MCCC2: variants seen among roughly 807,000 people sequenced by gnomAD.
MCCC2 encodes methylcrotonyl-CoA carboxylase subunit 2.
MCCC2 carries 52 observed loss-of-function variants against 77.2 expected under a neutral mutation model. That is an observed-to-expected ratio of 0.67 (90% CI 0.54 to 0.85). MCCC2 has a LOEUF of 0.85. Ranked by LOEUF, MCCC2 falls within the 40% of genes least tolerant of loss-of-function variation. The probability of loss-of-function intolerance (pLI) is 0.00; values close to 1 mark genes in which losing one functional copy is unlikely to be tolerated. For synonymous variants in MCCC2, 253 were observed against 248.4 expected, an observed-to-expected ratio of 1.02 and a Z score of -0.18; for missense variants, 682 against 703.2, an observed-to-expected ratio of 0.97 and a Z score of 0.34.
chr5:71,629,626 C>T (rs1001262476), intron 7 of MCCC2, among the ~76,000 whole-genome samples: 7 of 151,896 alleles, frequency 4.6e-5, no homozygotes, highest in African/African-American at 1.5e-4. Flanking sequence ...AGTATATTTC[C>T]CAAAAGAGGG....
At chr5:71,590,653 C>T (rs963712574) in intron 1 of MCCC2, among the ~76,000 whole-genome samples, 1 of 151,708 alleles carries the variant, frequency 6.6e-6, no homozygotes, top group African/African-American at 2.4e-5. Flanking sequence ...CCTGTCTCCA[C>T]TAAAAATAAA....
chr5:71,633,681 G>A (rs1413277796), intron 8 of MCCC2, among the ~76,000 whole-genome samples: 1 of 152,032 alleles, frequency 6.6e-6, no homozygotes, highest in African/African-American at 2.4e-5. Flanking sequence ...TATATACAGT[G>A]TATCATTGAA....
intron 13 of MCCC2, among the ~76,000 whole-genome samples, chr5:71,647,710 A>C (rs1747308884): frequency 6.6e-6 from 1 of 152,170 alleles, no homozygotes; most frequent in African/African-American, 2.4e-5. Flanking sequence ...TATGGAGGTA[A>C]TTTTAAAGCT....
chr5:71,650,301 C>G, intron 15 of MCCC2, 118 bp downstream of exon 15: 1 of 760,936 alleles, frequency 1.3e-6, no homozygotes, highest in Non-Finnish European at 2.4e-6. Flanking sequence ...CTGGCGCACA[C>G]TGCCTGGCCA....
chr5:71,607,428 T>A (rs1360879038), intron 6 of MCCC2, among the ~76,000 whole-genome samples: 1 of 148,692 alleles, frequency 6.7e-6, no homozygotes, highest in East Asian at 2.0e-4. Flanking sequence ...TGATATCCCC[T>A]TTATCATTTT....
At position 71,634,101 on chromosome 5, in the gene MCCC2, C is replaced by T. The variant is rs1746836070; in HGVS notation, c.804-842C>T. Among the ~76,000 whole-genome samples, 3 of 152,280 alleles carry T rather than the reference C, an allele frequency of 2.0e-5. No individual in the cohort carries two copies. In the South Asian group the frequency reaches 6.2e-4, roughly 32 times the overall value. ...GCCATAAAAATTTAGATTGCAGCAG[C>T]TTAGTCCTTACTCATAAAATGAACA... On this transcript the variant is annotated intron_variant, in intron 8 of 16. Coordinates refer to ENST00000340941, the MANE Select transcript of MCCC2 (RefSeq NM_022132.5).
chr5:71,593,090 T>TATA (rs35924336), intron 2 of MCCC2, 98 bp downstream of exon 2: 7 of 582,332 alleles, frequency 1.2e-5, no homozygotes, highest in African/African-American at 9.2e-5. Flanking sequence ...GCTTTTGATA[T>TATA]TTTTTTTTTT....
At chr5:71,596,917 G>T (rs1580274269) in intron 3 of MCCC2, among the ~76,000 whole-genome samples, 1 of 151,884 alleles carries the variant, frequency 6.6e-6, no homozygotes, top group East Asian at 1.9e-4. Context: ...TCCAGCCTGG[G>T]TGACAGAGCG....
chr5:71,607,060 G>A (rs1745710858), intron 6 of MCCC2, among the ~76,000 whole-genome samples: 3 of 151,312 alleles, frequency 2.0e-5, no homozygotes, highest in South Asian at 2.1e-4. Flanking sequence ...GTCTCTGCCC[G>A]GCTTTGGTAT....
intron 2 of MCCC2, among the ~76,000 whole-genome samples, chr5:71,595,922 T>C (rs1008701675): frequency 6.6e-6 from 1 of 152,218 alleles, no homozygotes; most frequent in African/African-American, 2.4e-5. Flanking sequence ...GATAGGAATT[T>C]TCCAGATCTA....
At chr5:71,613,925 A>G (rs1746060107) in intron 6 of MCCC2, among the ~76,000 whole-genome samples, 1 of 151,440 alleles carries the variant, frequency 6.6e-6, no homozygotes, top group Admixed American at 6.6e-5. Context: ...ATATGATAAC[A>G]GAAATTTCTT....
chr5:71,619,990 C>CAA (rs368269667), intron 6 of MCCC2, among the ~76,000 whole-genome samples: 4 of 123,800 alleles, frequency 3.2e-5, no homozygotes, highest in Non-Finnish European at 5.2e-5. Context: ...GACTCTGTCT[C>CAA]AAAAAAAAAA....
chr5:71,611,148 C>T (rs1745925317), intron 6 of MCCC2, among the ~76,000 whole-genome samples: 2 of 152,164 alleles, frequency 1.3e-5, no homozygotes, highest in African/African-American at 2.4e-5. Flanking sequence ...TGCCTGAAAT[C>T]CCAGCACTTT....
Position 71,596,377 on chromosome 5 carries a change from C to T in MCCC2, c.281+13C>T. On this transcript the variant is annotated intron_variant, in intron 3 of 16. Coordinates refer to ENST00000340941, the MANE Select transcript of MCCC2 (RefSeq NM_022132.5). ...TCATAGACCCAGGGTGCGTACATAG[C>T]CAAGTACTGACTCAGAGTGTTCTCT... 6.2e-7 allele frequency: 1 copy of T among 1,604,082 alleles called. No homozygotes were observed. The highest frequency in any genetic ancestry group is 8.5e-7 in the Non-Finnish European group (1 of 1,170,926).
intron 6 of MCCC2, among the ~76,000 whole-genome samples, chr5:71,615,837 C>G (rs1746140354): frequency 6.6e-6 from 1 of 151,972 alleles, no homozygotes; most frequent in African/African-American, 2.4e-5. Context: ...TCCAAAATCC[C>G]TTGGAATTTC....
rs914533103 is a variant in MCCC2 at position 71,657,434 on chromosome 5, AT to A, written c.*584del. Reference sequence around the variant, plus strand: ...GAGCCCATGACATCTCCTTATTATTATTTTTTTTTTGAGACAGGGTGTTTCT... The same window carrying A: ...GAGCCCATGACATCTCCTTATTATTATTTTTTTTTGAGACAGGGTGTTTCT... On this transcript the variant is annotated 3_prime_UTR_variant, in exon 17 of 17. Transcript: ENST00000340941. The A allele has an allele frequency of 2.4e-4, 35 of 148,722 alleles. No individual in the cohort carries two copies. Among genetic ancestry groups the A allele is most frequent in the African/African-American group, 3.0e-4 (12 of 40,314 alleles). The allele number at this position is 148,722 out of a possible 1,614,324, so 9.2% of individuals were successfully genotyped here.
At chr5:71,601,380 G>A (rs760110249) in intron 4 of MCCC2, among the ~76,000 whole-genome samples, 1 of 152,182 alleles carries the variant, frequency 6.6e-6, no homozygotes. Flanking sequence ...CACACACTCT[G>A]GAGTGTGAGG....
chr5:71,592,311 G>T (rs528088016), intron 1 of MCCC2, among the ~76,000 whole-genome samples: 1 of 152,270 alleles, frequency 6.6e-6, no homozygotes, highest in South Asian at 2.1e-4. Flanking sequence ...ATCTCGGGAG[G>T]CGGAGGTTGC....
chr5:71,587,368 G>C lies in MCCC2; in HGVS notation c.-58G>C. On this transcript the variant is annotated 5_prime_UTR_variant, in exon 1 of 17. Transcript: ENST00000340941. ...TTCCGCCCCAGCCAGGGAAGCGGCA[G>C]GGGAAAGCACCGGCTCCAGGCCAGC... is the stretch of plus-strand genomic sequence containing the variant. The C allele has an allele frequency of 6.6e-7, 1 of 1,521,848 alleles. No homozygotes were observed. The allele number at this position is 1,521,848 out of a possible 1,614,324, so 94.3% of individuals were successfully genotyped here. A position where few individuals can be genotyped will look rare whatever the true frequency, so the allele number is the denominator to read the frequency against.
Sources: allele counts gnomAD v4.1 joint callset (sites outside exome capture counted in the v4.1 genomes callset), GRCh38; gene constraint gnomAD v4.1.1; transcripts MANE v1.5; gene names NCBI Gene and HGNC (gene_info 2026-07-23, HGNC 2026-07-21).